Variants in PCOLCE2 observed in about 807,000 individuals in gnomAD.
PCOLCE2 encodes the protein procollagen C-endopeptidase enhancer 2, also known as procollagen C-proteinase enhancer 2.
In PCOLCE2, 42 loss-of-function variants were observed where a neutral mutation model predicts 47.0. The ratio of observed to expected loss-of-function variants is 0.89; its 90% CI spans 0.70 to 1.16. The LOEUF (loss-of-function observed/expected upper bound fraction) is 1.16. PCOLCE2 is among the 50% of genes most tolerant of loss of function. The pLI is 0.00. For synonymous variants in PCOLCE2, 169 were observed against 191.7 expected, an observed-to-expected ratio of 0.88 and a Z score of 0.98; for missense variants, 500 against 526.1, an observed-to-expected ratio of 0.95 and a Z score of 0.49.
chr3:142,886,227 C>T (rs75006645), intron 2 of PCOLCE2, among the ~76,000 whole-genome samples: 70 of 152,318 alleles, frequency 4.6e-4, no homozygotes, highest in African/African-American at 1.6e-3. Flanking sequence ...GACGTGCCCC[C>T]CAACCCCAGT....
chr3:142,869,419 C>A lies in PCOLCE2; in HGVS notation c.192+18250G>T, dbSNP rs6773002. Among the ~76,000 whole-genome samples the A allele has an allele frequency of 5.9e-3, 897 of 152,280 alleles. 10 individuals are homozygous for A. The highest frequency in any genetic ancestry group is 0.02 in the Middle Eastern group (6 of 294). ...AAGTATTTTACCCCAAAATATATTT[C>A]TTTCATATATTTTGAAATGGCCTTG... is the stretch of plus-strand genomic sequence containing the variant. On this transcript the variant is annotated intron_variant, in intron 2 of 8. Transcript: ENST00000295992.
At chr3:142,818,729 C>T (rs969895000) in intron 8 of PCOLCE2, among the ~76,000 whole-genome samples, 3 of 152,144 alleles carry the variant, frequency 2.0e-5, no homozygotes, top group South Asian at 2.1e-4. Flanking sequence ...TACAGGCACA[C>T]GCCATTGTGC....
chr3:142,843,727 T>C (rs1353701509), intron 3 of PCOLCE2, among the ~76,000 whole-genome samples: 1 of 152,058 alleles, frequency 6.6e-6, no homozygotes, highest in Non-Finnish European at 1.5e-5. Context: ...GTAAGAATTA[T>C]TTTAATACGA....
Position 142,887,704 on chromosome 3 carries a change from A to C in PCOLCE2, c.157T>G (p.Tyr53Asp). The change falls in exon 2 of 9, where the codon TAC (tyrosine) becomes GAC (aspartate). Residue 53 changes from tyrosine to aspartate, a missense_variant. Coordinates refer to ENST00000295992, the MANE Select transcript of PCOLCE2 (RefSeq NM_013363.4). ...FIGSEGFPGV[Y>D]PPNSKCTWKI... ...CAAGTACATTTGCTATTTGGAGGGT[A>C]CACTCCAGGAAAACCTTCACTGCCA... 8 of 1,603,388 alleles carry C rather than the reference A, an allele frequency of 5.0e-6. No individual in the cohort carries two copies. Among genetic ancestry groups the C allele is most frequent in the Non-Finnish European group, 6.8e-6 (8 of 1,170,310 alleles).
At chr3:142,824,755 TCAGC>T (rs1937055063) in intron 6 of PCOLCE2, among the ~76,000 whole-genome samples, 1 of 152,190 alleles carries the variant, frequency 6.6e-6, no homozygotes, top group African/African-American at 2.4e-5. Flanking sequence ...TTCTCCTGCC[TCAGC>T]CTCCTGAGTA....
chr3:142,849,776 A>G (rs927303836), intron 2 of PCOLCE2, among the ~76,000 whole-genome samples: 1 of 152,184 alleles, frequency 6.6e-6, no homozygotes, highest in African/African-American at 2.4e-5. Flanking sequence ...AACACACACA[A>G]TCAAAAGTGG....
chr3:142,851,578 A>G lies in PCOLCE2; in HGVS notation c.193-3106T>C, dbSNP rs559148393. Among the ~76,000 whole-genome samples, 180 of 152,294 alleles carry G rather than the reference A, an allele frequency of 1.2e-3. 4 individuals are homozygous for G. In the South Asian group the frequency reaches 0.036, roughly 31 times the overall value. ...AAGACTGTGGTGGAGTAAGGACAAA[A>G]TAACAGTGGAAGTGGGAGGCTGAGG... On this transcript the variant is annotated intron_variant, in intron 2 of 8. Transcript: ENST00000295992.
chr3:142,881,624 T>C (rs986828074), intron 2 of PCOLCE2, among the ~76,000 whole-genome samples: 5 of 152,204 alleles, frequency 3.3e-5, no homozygotes, highest in African/African-American at 1.2e-4. Context: ...AGCATGTTCC[T>C]GTACTGAACA....
At chr3:142,829,151 C>T (rs1262485252) in intron 6 of PCOLCE2, among the ~76,000 whole-genome samples, 1 of 152,074 alleles carries the variant, frequency 6.6e-6, no homozygotes, top group African/African-American at 2.4e-5. Context: ...TACATACATG[C>T]CTCAGCCCCC....
chr3:142,885,950 C>T (rs1405564097), intron 2 of PCOLCE2, among the ~76,000 whole-genome samples: 2 of 152,228 alleles, frequency 1.3e-5, no homozygotes, highest in African/African-American at 2.4e-5. Flanking sequence ...AATCAAGCTT[C>T]TTCCCACTCA....
In PCOLCE2 at chr3:142,842,927, A is replaced by G. The variant is rs1937280473; in HGVS notation, c.570T>C (p.Asn190=). Residue 190 remains asparagine, a synonymous_variant, in exon 4 of 9, where the codon AAT becomes AAC. Coordinates refer to ENST00000295992, the MANE Select transcript of PCOLCE2 (RefSeq NM_013363.4). This position sits in a 1 kb window ranked among gnomAD's most constrained non-coding sequence, Gnocchi z 4.1. The stretch of plus-strand genomic sequence containing the variant: ...TCACACTTCCAGGGAATCTCACCTG[A>G]TTCTTTGGGGCTACAATGTGCCACA... ...TCVWHIVAPK[N]QLIELKFEKF... 2 of 1,613,998 alleles carry G rather than the reference A, an allele frequency of 1.2e-6. No homozygotes were observed. Among genetic ancestry groups the G allele is most frequent in the East Asian group, 4.5e-5 (2 of 44,862 alleles).
chr3:142,856,343 G>A (rs1020332401), intron 2 of PCOLCE2, among the ~76,000 whole-genome samples: 1 of 152,148 alleles, frequency 6.6e-6, no homozygotes. Flanking sequence ...AGTTATCACC[G>A]CTGAGTCCTT....
At chr3:142,882,511 T>C (rs1041369573) in intron 2 of PCOLCE2, among the ~76,000 whole-genome samples, 4 of 152,222 alleles carry the variant, frequency 2.6e-5, no homozygotes, top group African/African-American at 7.2e-5. Flanking sequence ...TTATAAATAA[T>C]AAAAACCTAA....
In PCOLCE2 at chr3:142,823,898, T is replaced by C. The variant is rs1937043691; in HGVS notation, c.866-283A>G. ...TTCTTCCTTTATATAAAACAAACAC[T>C]ATAAGAAAATACAGGCGTACTCTGA... On this transcript the variant is annotated intron_variant, in intron 6 of 8. Coordinates refer to ENST00000295992, the MANE Select transcript of PCOLCE2 (RefSeq NM_013363.4). 2.0e-5 allele frequency among the ~76,000 whole-genome samples: 3 copies of C among 152,252 alleles called. No homozygotes were observed. The South Asian group carries it at 6.2e-4, about 32-fold the overall frequency.
chr3:142,835,687 G>A (rs1045312409), intron 5 of PCOLCE2, among the ~76,000 whole-genome samples: 1 of 152,144 alleles, frequency 6.6e-6, no homozygotes, highest in African/African-American at 2.4e-5. Context: ...CTGTCACCCA[G>A]GCTGGAGTGC....
chr3:142,867,492 C>T (rs1933309486), intron 2 of PCOLCE2, among the ~76,000 whole-genome samples: 2 of 152,070 alleles, frequency 1.3e-5, no homozygotes, highest in Admixed American at 1.3e-4. Flanking sequence ...ATACATGTAC[C>T]TGACAACCTT....
At chr3:142,828,033 T>G (rs767816490) in intron 6 of PCOLCE2, among the ~76,000 whole-genome samples, 1 of 152,190 alleles carries the variant, frequency 6.6e-6, no homozygotes, top group East Asian at 1.9e-4. Flanking sequence ...TCTGAATTTG[T>G]GCCATAGCAC....
intron 2 of PCOLCE2, among the ~76,000 whole-genome samples, chr3:142,858,521 CGTGT>C (rs1933114619): frequency 6.6e-6 from 1 of 152,126 alleles, no homozygotes; most frequent in Non-Finnish European, 1.5e-5. Context: ...TATGTGCGTG[CGTGT>C]GTGTGCGTGT....
chr3:142,877,069 CTTAAT>C (rs1363083975), intron 2 of PCOLCE2, among the ~76,000 whole-genome samples: 1 of 152,206 alleles, frequency 6.6e-6, no homozygotes, highest in Non-Finnish European at 1.5e-5. Context: ...ACAGTCTTTA[CTTAAT>C]TTATGTAATT....
Sources: allele counts gnomAD v4.1 joint callset (sites outside exome capture counted in the v4.1 genomes callset), GRCh38; gene constraint gnomAD v4.1.1; non-coding constraint Gnocchi (gnomAD v3.1); transcripts MANE v1.5; gene names NCBI Gene and HGNC (gene_info 2026-07-23, HGNC 2026-07-21).